The following FNBP1L variants were observed in gnomAD, a reference collection of about 807,000 sequenced individuals.
FNBP1L encodes the protein formin-binding protein 1-like.
FNBP1L carries 36 observed loss-of-function variants against 91.2 expected under a neutral mutation model. The ratio of observed to expected loss-of-function variants is 0.39; its 90% confidence interval spans 0.30 to 0.52. FNBP1L has a LOEUF of 0.52. FNBP1L is among the 20% of genes least tolerant of loss of function. FNBP1L has a pLI of 0.66. For missense variants in FNBP1L, 571 were observed against 732.1 expected (o/e 0.78, Z 2.54); for synonymous variants, 242 against 237.0 (o/e 1.02, Z -0.19).
intron 2 of FNBP1L, among the ~76,000 whole-genome samples, chr1:93,511,378 T>C (rs906390951): frequency 6.6e-6 from 1 of 152,024 alleles, no homozygotes; most frequent in Non-Finnish European, 1.5e-5. Flanking sequence ...GAAGGAGAAA[T>C]AAAATCCTTT....
At chr1:93,466,061 T>C (rs1466654970) in intron 1 of FNBP1L, among the ~76,000 whole-genome samples, 2 of 152,190 alleles carry the variant, frequency 1.3e-5, no homozygotes, top group Non-Finnish European at 2.9e-5. Context: ...GTTTGTTTTT[T>C]TTTCTTGTAA....
chr1:93,519,030 G>T (rs1199225353), intron 2 of FNBP1L, among the ~76,000 whole-genome samples: 1 of 152,084 alleles, frequency 6.6e-6, no homozygotes, highest in African/African-American at 2.4e-5. Context: ...ACCATGACTC[G>T]TCCCATTCTT....
rs759894521 is a variant in FNBP1L at position 93,553,130 on chromosome 1, C to G, written c.*714C>G. The G allele has an allele frequency of 2.0e-5, 3 of 152,592 alleles. No homozygotes were observed. Among genetic ancestry groups the G allele is most frequent in the Non-Finnish European group, 4.4e-5 (3 of 68,028 alleles). The allele number at this position is 152,592 out of a possible 1,614,324, so 9.5% of individuals were successfully genotyped here. ...AAACATCTCTGCTGTAGCCTACAGC[C>G]CAGTTGAAAGAACTCTTTGAAACGT... On this transcript the variant is annotated 3_prime_UTR_variant, in exon 17 of 17. Transcript: ENST00000271234.
At chr1:93,518,525 G>A (rs1671208579) in intron 2 of FNBP1L, among the ~76,000 whole-genome samples, 1 of 152,200 alleles carries the variant, frequency 6.6e-6, no homozygotes, top group African/African-American at 2.4e-5. Flanking sequence ...TAGGATGATT[G>A]TCAAATTTTT....
At chr1:93,494,014 G>A (rs963142615) in intron 1 of FNBP1L, among the ~76,000 whole-genome samples, 11 of 152,140 alleles carry the variant, frequency 7.2e-5, no homozygotes, top group Non-Finnish European at 1.6e-4. Flanking sequence ...GTCTGGAGTT[G>A]GTACAGATCC....
At chr1:93,493,271 CCCAGGATTTCGATG>C (rs1670156337) in intron 1 of FNBP1L, among the ~76,000 whole-genome samples, 1 of 152,044 alleles carries the variant, frequency 6.6e-6, no homozygotes, top group Non-Finnish European at 1.5e-5. Context: ...ACGGCTTAAG[CCCAGGATTTCGATG>C]CTGCAGTGAG....
At chr1:93,519,593 CAT>C (rs1422324607) in intron 2 of FNBP1L, among the ~76,000 whole-genome samples, 1 of 152,146 alleles carries the variant, frequency 6.6e-6, no homozygotes, top group African/African-American at 2.4e-5. Flanking sequence ...AATGTTTGAG[CAT>C]ATGACTGCAC....
chr1:93,482,494 T>A (rs1307903325), intron 1 of FNBP1L, among the ~76,000 whole-genome samples: 4 of 151,996 alleles, frequency 2.6e-5, no homozygotes, highest in Non-Finnish European at 4.4e-5. Flanking sequence ...TAGTGCTCTT[T>A]TAGGAGTAAA....
chr1:93,509,183 G>A (rs72721026), intron 2 of FNBP1L, among the ~76,000 whole-genome samples: 2,053 of 152,216 alleles, frequency 0.013, 21 homozygotes, highest in Non-Finnish European at 0.021. Context: ...AAATCCCAGG[G>A]ACTAAACATA....
intron 1 of FNBP1L, among the ~76,000 whole-genome samples, chr1:93,484,211 G>A (rs916393213): frequency 1.3e-5 from 2 of 152,220 alleles, no homozygotes; most frequent in Non-Finnish European, 2.9e-5. Flanking sequence ...ACAGGCGTGA[G>A]CCACCACGCC....
intron 1 of FNBP1L, among the ~76,000 whole-genome samples, chr1:93,455,570 A>G (rs1215465124): frequency 1.3e-5 from 2 of 152,176 alleles, no homozygotes; most frequent in South Asian, 2.1e-4. Context: ...TTTTACTTCT[A>G]TATCAGTTTA....
At chr1:93,493,932 C>T (rs1215709179) in intron 1 of FNBP1L, among the ~76,000 whole-genome samples, 1 of 152,132 alleles carries the variant, frequency 6.6e-6, no homozygotes, top group African/African-American at 2.4e-5. Flanking sequence ...GAGTTTTTTC[C>T]ACTTGAACAA....
At chr1:93,539,662 G>T (rs1426997024) in intron 10 of FNBP1L, among the ~76,000 whole-genome samples, 1 of 151,982 alleles carries the variant, frequency 6.6e-6, no homozygotes, top group Non-Finnish European at 1.5e-5. Context: ...ATATTTTGTT[G>T]CTTGTCCTAT....
At chr1:93,459,256 T>A (rs1366037876) in intron 1 of FNBP1L, among the ~76,000 whole-genome samples, 1 of 152,194 alleles carries the variant, frequency 6.6e-6, no homozygotes, top group East Asian at 1.9e-4. Context: ...TGAGAGAGAC[T>A]CTGTCTCACA....
At chr1:93,504,031 T>C (rs1280500175) in intron 2 of FNBP1L, among the ~76,000 whole-genome samples, 4 of 152,202 alleles carry the variant, frequency 2.6e-5, no homozygotes, top group Non-Finnish European at 5.9e-5. Context: ...ACTACTCTTA[T>C]TTTGGCAAGC....
chr1:93,544,733 G>T (rs756419542), intron 12 of FNBP1L, among the ~76,000 whole-genome samples: 1 of 152,138 alleles, frequency 6.6e-6, no homozygotes, highest in Admixed American at 6.5e-5. Flanking sequence ...TTATTACAAT[G>T]AATTGGTGAC....
intron 8 of FNBP1L, among the ~76,000 whole-genome samples, chr1:93,534,389 T>A (rs1671779804): frequency 6.6e-6 from 1 of 152,146 alleles, no homozygotes; most frequent in South Asian, 2.1e-4. Context: ...CTTTCTGTAT[T>A]CTTTTTGTCA....
chr1:93,547,639 A>G (rs1222381108), intron 14 of FNBP1L, among the ~76,000 whole-genome samples, 198 bp downstream of exon 14: 1 of 152,108 alleles, frequency 6.6e-6, no homozygotes, highest in African/African-American at 2.4e-5. Context: ...ATTCAATCCT[A>G]GTTTGTCATG....
In FNBP1L at chr1:93,553,998, C is replaced by T. The variant is rs1477870473; in HGVS notation, c.*1582C>T. 1.3e-5 allele frequency: 2 copies of T among 152,616 alleles called. No homozygotes were observed. The allele number at this position is 152,616 out of a possible 1,614,324, so 9.5% of individuals were successfully genotyped here. Reference sequence around the variant, plus strand: ...TTTTCCCAGTGTTATTTGAATCATACTACCCGTTATACTAAAGCTGAATGA... The same window carrying T: ...TTTTCCCAGTGTTATTTGAATCATATTACCCGTTATACTAAAGCTGAATGA... On this transcript the variant is annotated 3_prime_UTR_variant, in exon 17 of 17. Transcript: ENST00000271234.
Sources: gnomAD v4.1 joint callset for allele counts (sites outside exome capture counted in the v4.1 genomes callset) on GRCh38, gnomAD v4.1.1 for gene constraint, MANE v1.5 for transcripts, NCBI Gene and HGNC (gene_info 2026-07-23, HGNC 2026-07-21) for gene names.